CHCHD3: variants seen among roughly 807,000 people sequenced by gnomAD.
CHCHD3 encodes the protein MICOS complex subunit MIC19.
CHCHD3 carries 20 observed loss-of-function variants against 38.2 expected under a neutral mutation model. The observed-to-expected ratio is 0.52, with a 90% CI of 0.37 to 0.76. The LOEUF is 0.76. Ranked by LOEUF, CHCHD3 falls within the 30% of genes least tolerant of loss-of-function variation. CHCHD3 has a pLI of 0.00. For missense variants in CHCHD3, 245 were observed against 279.2 expected (o/e 0.88, Z 0.87); for synonymous variants, 82 against 100.0 (o/e 0.82, Z 1.07).
chr7:132,854,940 TC>T (rs1808311380), intron 5 of CHCHD3, among the ~76,000 whole-genome samples: 1 of 152,170 alleles, frequency 6.6e-6, no homozygotes, highest in African/African-American at 2.4e-5. Context: ...TCTTGGACTG[TC>T]CAAAAGCAAA....
intron 1 of CHCHD3, among the ~76,000 whole-genome samples, chr7:133,077,175 T>C (rs1436245525): frequency 1.3e-5 from 2 of 152,212 alleles, no homozygotes; most frequent in African/African-American, 2.4e-5. Context: ...GAAACCATTA[T>C]CCCTACCTTT....
chr7:133,043,578 G>A lies in CHCHD3; in HGVS notation c.170-18951C>T, dbSNP rs182251199. ...GGAGAATTGCTTGAACCCGGGAGGC[G>A]GAGGTAGCAGTGAGCCGAGATAGCG... On this transcript the variant is annotated intron_variant, in intron 2 of 7. Coordinates refer to ENST00000262570, the MANE Select transcript of CHCHD3 (RefSeq NM_017812.4). Among the ~76,000 whole-genome samples the A allele has an allele frequency of 1.4e-3, 218 of 151,704 alleles. 1 individual carries two copies. Among genetic ancestry groups the A allele is most frequent in the African/African-American group, 3.8e-3 (157 of 41,376 alleles).
chr7:132,927,164 C>T (rs186000685), intron 4 of CHCHD3, among the ~76,000 whole-genome samples: 1 of 152,328 alleles, frequency 6.6e-6, no homozygotes, highest in Non-Finnish European at 1.5e-5. Context: ...CCATACAATA[C>T]ATATTAGCTC....
intron 5 of CHCHD3, among the ~76,000 whole-genome samples, chr7:132,856,040 T>A (rs1314978839): frequency 6.6e-6 from 1 of 152,154 alleles, no homozygotes; most frequent in East Asian, 1.9e-4. Flanking sequence ...TTCTGAGAAT[T>A]GTTCTTAGAA....
At chr7:132,863,927 C>T (rs10954393) in intron 5 of CHCHD3, among the ~76,000 whole-genome samples, 33,117 of 152,174 alleles carry the variant, frequency 0.22, 3,854 homozygotes, top group South Asian at 0.26. Context: ...TAGGCTGTGG[C>T]TTAAGGGAAT....
At chr7:132,871,175 A>G (rs1236078563) in intron 5 of CHCHD3, among the ~76,000 whole-genome samples, 1 of 152,228 alleles carries the variant, frequency 6.6e-6, no homozygotes, top group African/African-American at 2.4e-5. Context: ...TGATATTTCC[A>G]TAAATTTAGT....
intron 5 of CHCHD3, among the ~76,000 whole-genome samples, chr7:132,852,147 G>GA (rs2117117676): frequency 6.6e-6 from 1 of 152,318 alleles, no homozygotes; most frequent in South Asian, 2.1e-4. Context: ...AACAGATGCT[G>GA]ATTTGGATGA....
At chr7:132,817,586 G>C (rs902835720) in intron 6 of CHCHD3, among the ~76,000 whole-genome samples, 1 of 152,118 alleles carries the variant, frequency 6.6e-6, no homozygotes, top group African/African-American at 2.4e-5. Flanking sequence ...TGGGGTTCAT[G>C]GGGGAGACTG....
At chr7:132,845,766 G>T (rs537843590) in intron 5 of CHCHD3, among the ~76,000 whole-genome samples, 18 of 152,082 alleles carry the variant, frequency 1.2e-4, no homozygotes, top group Non-Finnish European at 2.5e-4. Context: ...CATGAGAAAC[G>T]CCAGATTAAA....
At chr7:132,997,719 C>G (rs1429830855) in intron 3 of CHCHD3, among the ~76,000 whole-genome samples, 1 of 142,086 alleles carries the variant, frequency 7.0e-6, no homozygotes, top group Non-Finnish European at 1.5e-5. Context: ...TCACAGCAAT[C>G]CAGAACAAAT....
intron 4 of CHCHD3, among the ~76,000 whole-genome samples, chr7:132,955,532 GGGGTTTTTTGT>G (rs1025630642): frequency 6.7e-6 from 1 of 149,456 alleles, no homozygotes; most frequent in African/African-American, 2.5e-5. Flanking sequence ...TTTGTTTTTT[GGGGTTTTTTGT>G]TTTTTTTTTT....
intron 4 of CHCHD3, among the ~76,000 whole-genome samples, chr7:132,947,974 T>A (rs1009630770): frequency 1.3e-5 from 2 of 152,058 alleles, no homozygotes; most frequent in South Asian, 4.1e-4. Context: ...CCACAGTCAG[T>A]TGAAAGACAC....
rs140374327 is a variant in CHCHD3, at chr7:132,833,642, A to G, written c.524+4757T>C. ...GCTTGGCTTGTCACACAGGGGCTCT[A>G]TGAATGAATGATGTGTGGATAAAGT... On this transcript the variant is annotated intron_variant, in intron 6 of 7. Coordinates refer to ENST00000262570, the MANE Select transcript of CHCHD3 (RefSeq NM_017812.4). Among the ~76,000 whole-genome samples the G allele has an allele frequency of 6.9e-4, 105 of 152,322 alleles. 2 individuals are homozygous for G. In the East Asian group the frequency reaches 0.018, roughly 26 times the overall value.
intron 3 of CHCHD3, among the ~76,000 whole-genome samples, chr7:132,975,951 A>G (rs1215942577): frequency 6.7e-6 from 1 of 149,560 alleles, no homozygotes; most frequent in Non-Finnish European, 1.5e-5. Context: ...AGCCATCTAC[A>G]TGACAAATAT....
intron 4 of CHCHD3, 40 bp downstream of exon 4, chr7:132,975,129 T>C (rs1474345837): frequency 2.0e-6 from 3 of 1,504,340 alleles, no homozygotes; most frequent in Non-Finnish European, 1.8e-6. Context: ...AGAGATTTCC[T>C]TGTAGGCAAG....
intron 4 of CHCHD3, chr7:132,972,405 C>G (rs1811634698): frequency 5.6e-6 from 1 of 177,280 alleles, no homozygotes; most frequent in Admixed American, 6.5e-5. Flanking sequence ...TTTATACCAA[C>G]TCAGTGGGAA....
intron 4 of CHCHD3, among the ~76,000 whole-genome samples, chr7:132,932,588 T>C (rs1006365352): frequency 1.3e-5 from 2 of 152,190 alleles, no homozygotes; most frequent in African/African-American, 2.4e-5. Flanking sequence ...TTAGTGAGGA[T>C]TCACAAGTTA....
At chr7:132,926,164 G>C (rs1156408510) in intron 4 of CHCHD3, among the ~76,000 whole-genome samples, 1 of 152,198 alleles carries the variant, frequency 6.6e-6, no homozygotes, top group Non-Finnish European at 1.5e-5. Context: ...AGACTAGTTG[G>C]GATATGCTTG....
intron 4 of CHCHD3, among the ~76,000 whole-genome samples, chr7:132,918,915 G>A (rs1369919613): frequency 6.6e-6 from 1 of 152,098 alleles, no homozygotes; most frequent in Non-Finnish European, 1.5e-5. Context: ...ACGCACAGGA[G>A]TGTCAGAAAG....
Sources: allele counts gnomAD v4.1 joint callset (sites outside exome capture counted in the v4.1 genomes callset), GRCh38; gene constraint gnomAD v4.1.1; transcripts MANE v1.5; gene names NCBI Gene and HGNC (gene_info 2026-07-23, HGNC 2026-07-21).